The following PSORS1C1 variants were observed in gnomAD, a reference collection of about 807,000 sequenced individuals.
The protein encoded by PSORS1C1 is psoriasis susceptibility 1 candidate 1.
PSORS1C1 carries 7 observed loss-of-function variants against 9.4 expected under a neutral mutation model. That is an observed-to-expected ratio of 0.75 (90% confidence interval 0.42 to 1.40). The LOEUF is 1.40. Among genes scored for constraint, PSORS1C1 ranks in the 40% most tolerant of loss-of-function variants. PSORS1C1 has a pLI of 0.01. For missense variants in PSORS1C1, 146 were observed against 178.1 expected (o/e 0.82, Z 1.02); for synonymous variants, 63 against 69.4 (o/e 0.91, Z 0.46).
chr6:31,130,445 T>C (rs912851797), intron 3 of PSORS1C1, among the ~76,000 whole-genome samples: 67 of 151,274 alleles, frequency 4.4e-4, no homozygotes, highest in African/African-American at 1.6e-3. Context: ...GGAGTCTCAC[T>C]CTGTCGTCCA....
intron 1 of PSORS1C1, among the ~76,000 whole-genome samples, chr6:31,124,794 A>G (rs561776276): frequency 6.6e-6 from 1 of 152,106 alleles, no homozygotes; most frequent in Non-Finnish European, 1.5e-5. Flanking sequence ...ACATGGCAAA[A>G]CCATCTCTAC....
intron 3 of PSORS1C1, among the ~76,000 whole-genome samples, chr6:31,136,065 A>G (rs1340209160): frequency 1.3e-5 from 2 of 151,436 alleles, no homozygotes; most frequent in African/African-American, 4.9e-5. Context: ...ACAAACACAC[A>G]AAAAGACATG....
chr6:31,136,505 G>A (rs1364835707), intron 3 of PSORS1C1, among the ~76,000 whole-genome samples: 2 of 152,120 alleles, frequency 1.3e-5, no homozygotes, highest in African/African-American at 4.8e-5. Flanking sequence ...TCAGGCCCAG[G>A]ACAAGCAGGA....
intron 1 of PSORS1C1, chr6:31,116,447 G>C: frequency 5.0e-6 from 8 of 1,591,414 alleles, no homozygotes; most frequent in Non-Finnish European, 6.8e-6. Context: ...GGAGAGCAGG[G>C]TCCCTTGGAG....
At position 31,134,052 on chromosome 6, in the gene PSORS1C1, C is replaced by T. The variant is rs141457413; in HGVS notation, c.14-4378C>T. Among the ~76,000 whole-genome samples the T allele has an allele frequency of 0.01, 1,540 of 152,176 alleles. 65 individuals are homozygous for T. In the East Asian group the frequency reaches 0.13, roughly 13 times the overall value. On this transcript the variant is annotated intron_variant, in intron 3 of 5. Transcript: ENST00000259881. ...GCAGTGCAGTGGCACGATCTTGGCT[C>T]ACCGCAACCTCTGCCTCCCAGGTTC...
chr6:31,138,234 A>G, intron 3 of PSORS1C1, 196 bp from the exon 4 acceptor site: 1 of 1,565,884 alleles, frequency 6.4e-7, no homozygotes, highest in Non-Finnish European at 8.6e-7. Flanking sequence ...GCCCTGAGGC[A>G]ATGTTGGGGA....
intron 3 of PSORS1C1, among the ~76,000 whole-genome samples, chr6:31,131,232 A>G (rs750415404): frequency 6.6e-6 from 1 of 152,042 alleles, no homozygotes; most frequent in Non-Finnish European, 1.5e-5. Flanking sequence ...GCCTTTCACA[A>G]AACACACATT....
At chr6:31,120,203 G>A (rs1048115149) in intron 1 of PSORS1C1, 4 of 698,326 alleles carry the variant, frequency 5.7e-6, no homozygotes, top group East Asian at 2.7e-5. Context: ...TACCTGAGGC[G>A]ACCATACAGT....
chr6:31,116,109 G>A (rs1456520487), intron 1 of PSORS1C1: 3 of 1,611,332 alleles, frequency 1.9e-6, no homozygotes, highest in East Asian at 2.2e-5. Context: ...CTTGGGCTAG[G>A]ATATCCCGGA....
At chr6:31,124,701 G>A (rs1772604187) in intron 1 of PSORS1C1, among the ~76,000 whole-genome samples, 1 of 152,226 alleles carries the variant, frequency 6.6e-6, no homozygotes, top group African/African-American at 2.4e-5. Context: ...CAGGTATGGT[G>A]GCTCACGCCT....
At chr6:31,114,986 G>C (rs894915369) in intron 1 of PSORS1C1, 95 bp downstream of exon 1, 1 of 434,672 alleles carries the variant, frequency 2.3e-6, no homozygotes, top group Non-Finnish European at 4.6e-6. Flanking sequence ...ATAAGGGGAA[G>C]GGGGACCCCA....
intron 3 of PSORS1C1, among the ~76,000 whole-genome samples, chr6:31,136,353 T>C (rs1773135402): frequency 6.8e-6 from 1 of 147,852 alleles, no homozygotes; most frequent in East Asian, 2.0e-4. Context: ...GTCGTGCCAC[T>C]GCACTCCAGC....
At chr6:31,120,339 C>T (rs1287631451) in intron 1 of PSORS1C1, 4 of 1,579,970 alleles carry the variant, frequency 2.5e-6, no homozygotes, top group Non-Finnish European at 8.6e-7. Context: ...TCCTACCTGG[C>T]AGGAGGAGAC....
Position 31,139,767 on chromosome 6 carries a change from A to C in PSORS1C1, c.294A>C (p.Ala98=), listed in dbSNP as rs756124476. The C allele has an allele frequency of 3.1e-6, 5 of 1,613,112 alleles. No homozygotes were observed. The highest frequency in any genetic ancestry group is 4.2e-6 in the Non-Finnish European group (5 of 1,180,034). Residue 98 remains alanine, a synonymous_variant, in exon 6 of 6, where the codon GCA becomes GCC. Transcript: ENST00000259881. The surrounding 1 kb of genome is among the most constrained non-coding windows in gnomAD (Gnocchi z 5.2). ...LVPSSHPELF[A]SVLPMAPEEA... ...CCTCTTCCCACCCAGAGCTGTTTGC[A>C]TCAGTCCTGCCAATGGCTCCGGAAG...
At chr6:31,121,067 C>T (rs1156451085) in intron 1 of PSORS1C1, among the ~76,000 whole-genome samples, 1 of 151,534 alleles carries the variant, frequency 6.6e-6, no homozygotes, top group Non-Finnish European at 1.5e-5. Flanking sequence ...CGTGTTCCAT[C>T]ACCTGGGGAA....
rs1206527429 is a variant in PSORS1C1, at chr6:31,124,198, C to T, written c.-228-1478C>T. Among the ~76,000 whole-genome samples the T allele has an allele frequency of 2.0e-5, 3 of 152,074 alleles. No individual in the cohort carries two copies. The East Asian group carries it at 5.8e-4, about 29-fold the overall frequency. ...CGGCTTTGAATGATCACAAAGGGGG[C>T]TGAAGCATGGCGTGCTATAGTCCCA... On this transcript the variant is annotated intron_variant, in intron 1 of 5. Transcript: ENST00000259881.
intron 3 of PSORS1C1, among the ~76,000 whole-genome samples, chr6:31,133,007 G>A (rs900816848): frequency 2.8e-4 from 43 of 152,154 alleles, no homozygotes; most frequent in African/African-American, 1.0e-3. Flanking sequence ...GGCGGGCTGG[G>A]GGAGTGGGAG....
chr6:31,117,065 G>A lies in PSORS1C1; in HGVS notation c.-229+2174G>A, dbSNP rs748468507. ...GGCTGGGAAGGGTTTAGTATTCCGC[G>A]GTAAGAGTTGTCATTGGTTGGCAGA... On this transcript the variant is annotated intron_variant, in intron 1 of 5. Transcript: ENST00000259881. 5.6e-6 allele frequency: 9 copies of A among 1,614,100 alleles called. No homozygotes were observed. Among genetic ancestry groups the A allele is most frequent in the Non-Finnish European group, 6.8e-6 (8 of 1,180,056 alleles).
At chr6:31,133,969 T>G (rs886619598) in intron 3 of PSORS1C1, among the ~76,000 whole-genome samples, 1 of 152,086 alleles carries the variant, frequency 6.6e-6, no homozygotes, top group African/African-American at 2.4e-5. Flanking sequence ...TCGGACCACA[T>G]GTAGTTTTTT....
Sources: allele counts gnomAD v4.1 joint callset (sites outside exome capture counted in the v4.1 genomes callset), GRCh38; gene constraint gnomAD v4.1.1; non-coding constraint Gnocchi (gnomAD v3.1); transcripts MANE v1.5; gene names NCBI Gene and HGNC (gene_info 2026-07-23, HGNC 2026-07-21).